Variants in SNX21 observed in about 807,000 individuals in gnomAD.
SNX21 encodes sorting nexin-21.
Under a neutral mutation model 30.9 loss-of-function variants are expected in SNX21, and 36 were observed. The ratio of observed to expected loss-of-function variants is 1.16; its 90% CI spans 0.89 to 1.54. The LOEUF (loss-of-function observed/expected upper bound fraction) is 1.54, where lower values mean the gene tolerates loss of function less well. Among genes scored for constraint, SNX21 ranks in the 40% most tolerant of loss-of-function variants. SNX21 has a pLI of 0.00. For synonymous variants in SNX21, 218 were observed against 222.7 expected (o/e 0.98, Z 0.19); for missense variants, 508 against 516.5 (o/e 0.98, Z 0.16).
intron 3 of SNX21, 91 bp downstream of exon 3, chr20:45,835,207 T>C: frequency 1.5e-6 from 2 of 1,371,114 alleles, no homozygotes; most frequent in African/African-American, 1.5e-5. Context: ...GGGGTCTATG[T>C]AGTTATAAAT....
intron 3 of SNX21, among the ~76,000 whole-genome samples, chr20:45,838,016 CG>C (rs1265894780): frequency 6.6e-6 from 1 of 151,888 alleles, no homozygotes; most frequent in Non-Finnish European, 1.5e-5. Flanking sequence ...AGTGATCTGC[CG>C]CCTCAGCCTC....
Position 45,835,122 on chromosome 20 carries a change from T to G in SNX21, c.447+6T>G. 6.2e-7 allele frequency: 1 copy of G among 1,611,420 alleles called. No homozygotes were observed. Among genetic ancestry groups the G allele is most frequent in the Non-Finnish European group, 8.5e-7 (1 of 1,178,364 alleles). The stretch of plus-strand genomic sequence containing the variant: ...ACCCGCCCTCCAAGTACGTGGTGAG[T>G]GAGGGTCTAGAACCCCTGGGCTGTG... On this transcript the variant is annotated splice_donor_region_variant and intron_variant, in intron 3 of 3. Transcript: ENST00000491381.
rs537083065 is a variant in SNX21 at position 45,841,031 on chromosome 20, C to G, written c.840C>G (p.Asp280Glu). 101 of 1,609,508 alleles carry G rather than the reference C, an allele frequency of 6.3e-5. No individual in the cohort carries two copies. In the South Asian group the frequency reaches 9.9e-4, roughly 16 times the overall value. The change falls in exon 4 of 4, where the codon GAC becomes GAG. Residue 280 changes from aspartate (D) to glutamate (E), a missense_variant. Physicochemically the swap from Asp to Glu is conservative, Grantham distance 45 (BLOSUM62 2). Transcript: ENST00000491381. ...AGCTGGGCACCCCCTCTGGCCCAGA[C>G]CGCCCCCTGCTGACCCTGGCTGGGC... ...QAQLGTPSGPDRPLLTLAGLA... is the reference protein window; with the variant it reads ...QAQLGTPSGPERPLLTLAGLA...
chr20:45,836,195 G>A (rs1983510958), intron 3 of SNX21, among the ~76,000 whole-genome samples: 3 of 152,168 alleles, frequency 2.0e-5, no homozygotes, highest in Admixed American at 2.0e-4. Context: ...CGATTATTGA[G>A]TCTTTTAAAA....
chr20:45,835,370 G>A (rs1983443649), intron 3 of SNX21, among the ~76,000 whole-genome samples: 1 of 152,178 alleles, frequency 6.6e-6, no homozygotes, highest in African/African-American at 2.4e-5. Flanking sequence ...GAACTGGTGT[G>A]TGCACTTCCC....
chr20:45,834,049 G>T (rs924295628), intron 1 of SNX21, 109 bp downstream of exon 1: 1 of 1,412,892 alleles, frequency 7.1e-7, no homozygotes, highest in African/African-American at 1.5e-5. Context: ...TGCTGGCTGG[G>T]TCCCCTGGTT....
chr20:45,841,057 T>G lies in SNX21; in HGVS notation c.866T>G (p.Leu289Arg). 1 of 1,609,644 alleles carries G rather than the reference T, an allele frequency of 6.2e-7. No individual in the cohort carries two copies. Among genetic ancestry groups the G allele is most frequent in the Non-Finnish European group, 8.5e-7 (1 of 1,178,998 alleles). The change falls in exon 4 of 4, where the codon CTG becomes CGG. Residue 289 changes from leucine (L) to arginine (R), a missense_variant. Transcript: ENST00000491381. ...PDRPLLTLAG[L>R]AVCHQELEDP... The stretch of plus-strand genomic sequence containing the variant: ...CGCCCCCTGCTGACCCTGGCTGGGC[T>G]GGCCGTGTGCCACCAGGAGCTGGAA...
intron 3 of SNX21, among the ~76,000 whole-genome samples, chr20:45,837,699 T>G (rs1263204108): frequency 6.6e-6 from 1 of 152,208 alleles, no homozygotes; most frequent in Non-Finnish European, 1.5e-5. Flanking sequence ...ATTCTTGTCC[T>G]ATCTAAAAAT....
Position 45,842,005 on chromosome 20 carries a change from TAC to T in SNX21, c.*695_*696del. 1 of 1,596,014 alleles carries T rather than the reference TAC, an allele frequency of 6.3e-7. No homozygotes were observed. Among genetic ancestry groups the T allele is most frequent in the Non-Finnish European group, 8.5e-7 (1 of 1,173,870 alleles). ...GATGGCCTGCTTCAGAACAGCCAAA[TAC>T]ACTTTTTTTTTTTTTCCTGAAACAG... On this transcript the variant is annotated 3_prime_UTR_variant, in exon 4 of 4. Transcript: ENST00000491381.
At position 45,842,951 on chromosome 20, in the gene SNX21, T is replaced by C. The variant is rs903183529; in HGVS notation, c.*1638T>C. On this transcript the variant is annotated 3_prime_UTR_variant, in exon 4 of 4. Transcript: ENST00000491381. ...TCAGGGTTCTGAAGCTAGACATTGATGAACGAGTCTTGTTTCTCTCCCCTG... is the reference window on the plus strand; with the variant it reads ...TCAGGGTTCTGAAGCTAGACATTGACGAACGAGTCTTGTTTCTCTCCCCTG... The C allele has an allele frequency of 4.0e-5, 40 of 1,011,900 alleles. No individual in the cohort carries two copies. Among genetic ancestry groups the C allele is most frequent in the East Asian group, 9.4e-5 (1 of 10,628 alleles). The allele number at this position is 1,011,900 out of a possible 1,614,324, so 62.7% of individuals were successfully genotyped here. A position where few individuals can be genotyped will look rare whatever the true frequency, so the allele number is the denominator to read the frequency against.
At chr20:45,834,142 G>T in intron 1 of SNX21, 59 bp from the exon 2 acceptor site, 1 of 1,427,706 alleles carries the variant, frequency 7.0e-7, no homozygotes, top group Non-Finnish European at 9.1e-7. Context: ...CTCCTCCTGC[G>T]CCGGGCTGGG....
rs964903678 is a variant in SNX21, at chr20:45,841,558, C to T, written c.*245C>T. The T allele has an allele frequency of 1.7e-5, 23 of 1,390,100 alleles. No homozygotes were observed. In the South Asian group the frequency reaches 2.5e-4, roughly 15 times the overall value. The allele number at this position is 1,390,100 out of a possible 1,614,324, so 86.1% of individuals were successfully genotyped here. Reference sequence around the variant, plus strand: ...ACAGCCTCTCCAGCCTATAAACAGCCGGGGGGCTGTGGCACAGGTTGGGGC... The same window carrying T: ...ACAGCCTCTCCAGCCTATAAACAGCTGGGGGGCTGTGGCACAGGTTGGGGC... On this transcript the variant is annotated 3_prime_UTR_variant, in exon 4 of 4. Transcript: ENST00000491381.
rs1276798488 is a variant in SNX21, at chr20:45,834,387, G to A, written c.208G>A (p.Glu70Lys). The change falls in exon 2 of 4, where the codon GAG becomes AAG. Residue 70 changes from glutamate to lysine, a missense_variant. Transcript: ENST00000491381. ...CAGCTTCACCAGCGCCGAGGACGAC[G>A]AGGACGACGAGGACGAGGACGACGA... The part of the protein sequence containing the change: ...TLSFTSAEDD[E>K]DDEDEDDEEA... 6 of 1,598,188 alleles carry A rather than the reference G, an allele frequency of 3.8e-6. No homozygotes were observed. Among genetic ancestry groups the A allele is most frequent in the Non-Finnish European group, 2.6e-6 (3 of 1,172,564 alleles).
chr20:45,837,338 T>C (rs1983629157), intron 3 of SNX21, among the ~76,000 whole-genome samples: 2 of 152,220 alleles, frequency 1.3e-5, no homozygotes, highest in Admixed American at 6.5e-5. Flanking sequence ...GCAGGCAATA[T>C]GTTTTGAGAA....
chr20:45,837,477 A>G (rs1983642008), intron 3 of SNX21, among the ~76,000 whole-genome samples: 1 of 152,206 alleles, frequency 6.6e-6, no homozygotes, highest in South Asian at 2.1e-4. Context: ...TGGCTAGAGT[A>G]TTGTCAGTTC....
In SNX21 at chr20:45,834,398, G is replaced by GGACGAGGAC. The variant is rs765809854; in HGVS notation, c.228_236dup (p.Asp76_Glu78dup). On this transcript the variant is annotated inframe_insertion, in exon 2 of 4. Transcript: ENST00000491381. ...GCGCCGAGGACGACGAGGACGACGAGGACGAGGACGACGAGGAGGCTGGCC... is the reference window on the plus strand; with the variant it reads ...GCGCCGAGGACGACGAGGACGACGAGGACGAGGACGACGAGGACGACGAGGAGGCTGGCC... 2.5e-6 allele frequency: 4 copies of GGACGAGGAC among 1,599,268 alleles called. No homozygotes were observed. The highest frequency in any genetic ancestry group is 4.5e-5 in the East Asian group (2 of 44,620).
chr20:45,840,460 T>A (rs1175095021), intron 3 of SNX21, 179 bp from the exon 4 acceptor site: 2 of 1,613,918 alleles, frequency 1.2e-6, no homozygotes, highest in African/African-American at 2.7e-5. Flanking sequence ...AAACCTCAGG[T>A]AAGATGGGAC....
In SNX21 at chr20:45,835,127, G is replaced by A. The variant is rs1188856610; in HGVS notation, c.447+11G>A. 6.2e-7 allele frequency: 1 copy of A among 1,606,960 alleles called. No homozygotes were observed. The highest frequency in any genetic ancestry group is 8.5e-7 in the Non-Finnish European group (1 of 1,175,396). ...CCCTCCAAGTACGTGGTGAGTGAGG[G>A]TCTAGAACCCCTGGGCTGTGAGTCC... On this transcript the variant is annotated intron_variant, in intron 3 of 3. Transcript: ENST00000491381.
intron 3 of SNX21, among the ~76,000 whole-genome samples, chr20:45,837,572 T>C (rs58751125): frequency 0.019 from 2,874 of 152,212 alleles, 79 homozygotes; most frequent in East Asian, 0.13. Flanking sequence ...CTTTTAAACC[T>C]GTTGGCTTGG....
Sources: allele counts gnomAD v4.1 joint callset (sites outside exome capture counted in the v4.1 genomes callset), GRCh38; gene constraint gnomAD v4.1.1; transcripts MANE v1.5; gene names NCBI Gene and HGNC (gene_info 2026-07-23, HGNC 2026-07-21).